Variants in CHSY3 observed in about 807,000 individuals in gnomAD.
CHSY3 encodes N-acetylgalactosaminyl-proteoglycan 3-beta-glucuronosyltransferase 3.
In CHSY3, 35 loss-of-function variants were observed where a neutral mutation model predicts 67.2. The observed-to-expected ratio is 0.52, with a 90% CI of 0.40 to 0.69. CHSY3 has a LOEUF of 0.69. CHSY3 is among the 30% of genes least tolerant of loss of function. CHSY3 has a pLI of 0.00. For synonymous variants in CHSY3, 474 were observed against 434.7 expected (o/e 1.09, Z -1.12); for missense variants, 1,069 against 1,138.5 (o/e 0.94, Z 0.88).
In CHSY3 at chr5:130,148,029, C is replaced by T. The variant is rs141246346; in HGVS notation, c.1087-36200C>T. Among the ~76,000 whole-genome samples, 307 of 152,172 alleles carry T rather than the reference C, an allele frequency of 2.0e-3. 1 individual carries two copies. The highest frequency in any genetic ancestry group is 6.8e-3 in the African/African-American group (282 of 41,548). On this transcript the variant is annotated intron_variant, in intron 2 of 2. Coordinates refer to ENST00000305031, the MANE Select transcript of CHSY3 (RefSeq NM_175856.5). ...CCACCCTCCATACTCCTGAAGGGTG[C>T]TGTTTCCCTTTATGTGTATATGTGT...
intron 2 of CHSY3, among the ~76,000 whole-genome samples, chr5:130,146,740 T>A (rs1769085220): frequency 6.6e-6 from 1 of 152,112 alleles, no homozygotes; most frequent in South Asian, 2.1e-4. Context: ...ATATCTACAA[T>A]TATAGTGTGC....
intron 2 of CHSY3, among the ~76,000 whole-genome samples, chr5:130,163,268 A>G (rs79539110): frequency 2.7e-3 from 410 of 152,346 alleles, no homozygotes; most frequent in African/African-American, 8.2e-3. Flanking sequence ...ATGAAATGAA[A>G]CATATTTTAT....
intron 2 of CHSY3, among the ~76,000 whole-genome samples, chr5:129,912,765 C>A (rs1760609660): frequency 6.6e-6 from 1 of 152,092 alleles, no homozygotes; most frequent in African/African-American, 2.4e-5. Context: ...AATAAAGAGG[C>A]CTTTGGTTGA....
intron 2 of CHSY3, among the ~76,000 whole-genome samples, chr5:130,017,484 C>A (rs1239325468): frequency 1.3e-5 from 2 of 151,982 alleles, no homozygotes; most frequent in Non-Finnish European, 2.9e-5. Context: ...GCTGGGGTAG[C>A]GTACTTTCTA....
chr5:130,034,905 C>T (rs1194886581), intron 2 of CHSY3, among the ~76,000 whole-genome samples: 1 of 152,010 alleles, frequency 6.6e-6, no homozygotes, highest in Non-Finnish European at 1.5e-5. Flanking sequence ...GAGGCAGGAG[C>T]TTGCTTGAAA....
At chr5:130,117,709 T>A (rs181360549) in intron 2 of CHSY3, among the ~76,000 whole-genome samples, 47 of 152,356 alleles carry the variant, frequency 3.1e-4, no homozygotes, top group Non-Finnish European at 1.5e-5. Context: ...AAAAGTTTCT[T>A]CAAAACTACA....
At chr5:129,952,064 C>A (rs1440736871) in intron 2 of CHSY3, among the ~76,000 whole-genome samples, 1 of 152,048 alleles carries the variant, frequency 6.6e-6, no homozygotes, top group Non-Finnish European at 1.5e-5. Flanking sequence ...GCGATAAGAA[C>A]CCATAAATAT....
At chr5:130,040,428 A>G (rs1764976403) in intron 2 of CHSY3, among the ~76,000 whole-genome samples, 3 of 152,130 alleles carry the variant, frequency 2.0e-5, no homozygotes, top group Admixed American at 1.3e-4. Flanking sequence ...GAAATTGTTC[A>G]TACATGTAAT....
At chr5:129,941,319 A>G (rs1761691957) in intron 2 of CHSY3, among the ~76,000 whole-genome samples, 3 of 152,228 alleles carry the variant, frequency 2.0e-5, no homozygotes, top group African/African-American at 4.8e-5. Flanking sequence ...TTGTATAAAC[A>G]CATGCACAAC....
chr5:130,029,038 G>C (rs796649927), intron 2 of CHSY3, among the ~76,000 whole-genome samples: 1 of 151,792 alleles, frequency 6.6e-6, no homozygotes, highest in Non-Finnish European at 1.5e-5. Context: ...TTTCCTGTGT[G>C]TTGGATATGA....
intron 2 of CHSY3, among the ~76,000 whole-genome samples, chr5:129,945,721 A>G (rs917116082): frequency 5.3e-5 from 8 of 152,186 alleles, no homozygotes; most frequent in Non-Finnish European, 1.0e-4. Context: ...TATTCCCCAC[A>G]GTATTTAGGA....
chr5:129,989,585 G>C (rs940673537), intron 2 of CHSY3, among the ~76,000 whole-genome samples: 1 of 152,106 alleles, frequency 6.6e-6, no homozygotes, highest in Non-Finnish European at 1.5e-5. Context: ...TCCAACATAT[G>C]AACTTCAAAG....
rs537455817 is a variant in CHSY3, at chr5:130,127,491, T to A, written c.1087-56738T>A. Among the ~76,000 whole-genome samples the A allele has an allele frequency of 4.6e-5, 7 of 152,288 alleles. No homozygotes were observed. The South Asian group carries it at 1.5e-3, about 32-fold the overall frequency. On this transcript the variant is annotated intron_variant, in intron 2 of 2. Transcript: ENST00000305031. ...AAGCCATGTTGTTTCTGCTAAACCC[T>A]AATTTCTCTTTAATAATACCATAAA...
chr5:130,043,597 A>G (rs1400305512), intron 2 of CHSY3, among the ~76,000 whole-genome samples: 3 of 152,162 alleles, frequency 2.0e-5, no homozygotes, highest in Non-Finnish European at 4.4e-5. Context: ...AGCCGTCCAC[A>G]ATCCTAAATG....
intron 2 of CHSY3, among the ~76,000 whole-genome samples, chr5:130,178,237 A>T (rs1770122879): frequency 9.6e-5 from 6 of 62,490 alleles, no homozygotes; most frequent in African/African-American, 4.0e-4. Context: ...TTATATATAT[A>T]TATATATATA....
intron 2 of CHSY3, among the ~76,000 whole-genome samples, chr5:129,976,959 T>C (rs6595927): frequency 1.3e-5 from 2 of 151,692 alleles, no homozygotes; most frequent in Non-Finnish European, 2.9e-5. Flanking sequence ...AAGATGTTCA[T>C]TTTTTAAGTT....
chr5:130,000,306 A>G (rs1763682970), intron 2 of CHSY3, among the ~76,000 whole-genome samples: 1 of 152,202 alleles, frequency 6.6e-6, no homozygotes, highest in African/African-American at 2.4e-5. Context: ...AGGTACAAAT[A>G]ATAAGGTAGA....
In CHSY3 at chr5:129,905,081, G is replaced by T; in HGVS notation, c.252G>T (p.Gln84His). The T allele has an allele frequency of 6.5e-7, 1 of 1,544,058 alleles. No homozygotes were observed. Among genetic ancestry groups the T allele is most frequent in the African/African-American group, 1.4e-5 (1 of 73,190 alleles). Reference sequence around the variant, plus strand: ...CGCCCCCCGCGCGCCAGGATCTCCAGGGGCCACCGCTGCCCGAGGCAGCAC... The same window carrying T: ...CGCCCCCCGCGCGCCAGGATCTCCATGGGCCACCGCTGCCCGAGGCAGCAC... ...QSPPPARQDL[Q>H]GPPLPEAAPG... Residue 84 changes from glutamine (Q) to histidine (H), a missense_variant, in exon 1 of 3, where the codon CAG becomes CAT. Physicochemically the swap from Gln to His is conservative, Grantham distance 24. Coordinates refer to ENST00000305031, the MANE Select transcript of CHSY3 (RefSeq NM_175856.5).
chr5:130,136,655 A>C (rs1768675300), intron 2 of CHSY3, among the ~76,000 whole-genome samples: 1 of 152,232 alleles, frequency 6.6e-6, no homozygotes, highest in Non-Finnish European at 1.5e-5. Flanking sequence ...GTCATTCAAC[A>C]AGAAGAAAAT....
Sources: allele counts gnomAD v4.1 joint callset (sites outside exome capture counted in the v4.1 genomes callset), GRCh38; gene constraint gnomAD v4.1.1; transcripts MANE v1.5; gene names NCBI Gene and HGNC (gene_info 2026-07-23, HGNC 2026-07-21).